IL1RAPL1: variants seen among roughly 807,000 people sequenced by gnomAD.
The protein encoded by IL1RAPL1 is interleukin-1 receptor accessory protein-like 1.
In IL1RAPL1, 3 loss-of-function variants were observed where a neutral mutation model predicts 48.4. The observed-to-expected ratio is 0.06, with a 90% confidence interval of 0.03 to 0.16. The LOEUF (loss-of-function observed/expected upper bound fraction) is 0.16. IL1RAPL1 is among the 10% of genes least tolerant of loss of function. IL1RAPL1 has a pLI of 1.00. For missense variants in IL1RAPL1, 349 were observed against 530.6 expected, an observed-to-expected ratio of 0.66 and a Z score of 3.36; for synonymous variants, 185 against 187.7, an observed-to-expected ratio of 0.99 and a Z score of 0.12.
intron 2 of IL1RAPL1, among the ~76,000 whole-genome samples, chrX:28,935,053 A>G (rs1448862578): frequency 8.9e-6 from 1 of 111,902 alleles, no homozygotes; most frequent in Non-Finnish European, 1.9e-5. Context: ...TTATAGCCAT[A>G]ACTGTTTTCA....
At chrX:29,637,493 A>AT (rs1424623052) in intron 5 of IL1RAPL1, among the ~76,000 whole-genome samples, 11 of 111,368 alleles carry the variant, frequency 9.9e-5, no homozygotes, top group Non-Finnish European at 2.1e-4. Context: ...AATATGACAG[A>AT]TTTTAAAGTT....
chrX:29,049,850 C>T (rs1041454166), intron 2 of IL1RAPL1, among the ~76,000 whole-genome samples: 1 of 112,202 alleles, frequency 8.9e-6, no homozygotes. Context: ...GCAATGTTAA[C>T]GTATTATACA....
chrX:29,173,580 G>A (rs185837493), intron 2 of IL1RAPL1, among the ~76,000 whole-genome samples: 54 of 111,118 alleles, frequency 4.9e-4, no homozygotes, highest in African/African-American at 1.7e-3. Context: ...CTCTATTATT[G>A]TAAGTTAGCT....
At chrX:29,518,382 T>C (rs183540475) in intron 5 of IL1RAPL1, among the ~76,000 whole-genome samples, 1 of 111,194 alleles carries the variant, frequency 9.0e-6, no homozygotes, top group East Asian at 2.8e-4. Flanking sequence ...TTCTGAGTGA[T>C]GCCAATGTTG....
intron 3 of IL1RAPL1, among the ~76,000 whole-genome samples, chrX:29,300,056 A>G (rs988018391): frequency 3.6e-5 from 4 of 111,844 alleles, no homozygotes; most frequent in African/African-American, 1.3e-4. Flanking sequence ...AAGTGGAAGC[A>G]GCCTGAGTTC....
chrX:29,053,919 G>A (rs1388012661), intron 2 of IL1RAPL1, among the ~76,000 whole-genome samples: 1 of 111,727 alleles, frequency 9.0e-6, no homozygotes, highest in East Asian at 2.8e-4. Flanking sequence ...TTATCTTTCT[G>A]TGCCTGGCTT....
intron 2 of IL1RAPL1, among the ~76,000 whole-genome samples, chrX:29,059,257 A>T (rs1489329194): frequency 8.9e-6 from 1 of 111,934 alleles, no homozygotes; most frequent in East Asian, 2.8e-4. Context: ...AAGCCAGAAC[A>T]ACTATTATAC....
At chrX:29,116,202 A>T (rs1453774076) in intron 2 of IL1RAPL1, among the ~76,000 whole-genome samples, 1 of 111,373 alleles carries the variant, frequency 9.0e-6, no homozygotes, top group East Asian at 2.8e-4. Flanking sequence ...TTGGGTAAGA[A>T]TTGATACTTT....
At chrX:29,522,718 C>T (rs772302497) in intron 5 of IL1RAPL1, among the ~76,000 whole-genome samples, 1 of 112,323 alleles carries the variant, frequency 8.9e-6, no homozygotes, top group Middle Eastern at 4.6e-3. Flanking sequence ...ACCAATCATA[C>T]TTAAAGGGAT....
chrX:29,243,616 C>T (rs1931459702), intron 2 of IL1RAPL1, among the ~76,000 whole-genome samples: 1 of 112,161 alleles, frequency 8.9e-6, no homozygotes. Flanking sequence ...GGAAACGAAG[C>T]TACACAACTT....
chrX:29,855,493 T>C (rs772998789), intron 6 of IL1RAPL1, among the ~76,000 whole-genome samples: 5 of 111,722 alleles, frequency 4.5e-5, no homozygotes, highest in Non-Finnish European at 9.4e-5. Flanking sequence ...TATAATTATC[T>C]CAAGGCTCTA....
At chrX:28,644,469 T>A (rs1480049854) in intron 1 of IL1RAPL1, among the ~76,000 whole-genome samples, 2 of 111,416 alleles carry the variant, frequency 1.8e-5, no homozygotes, top group Non-Finnish European at 3.8e-5. Flanking sequence ...GAGTGGATAC[T>A]ACATAAGGGC....
chrX:29,179,251 T>C (rs1006912507), intron 2 of IL1RAPL1, among the ~76,000 whole-genome samples: 29 of 111,593 alleles, frequency 2.6e-4, no homozygotes, highest in African/African-American at 9.1e-4. Context: ...TTCCATTTGT[T>C]TGTGTCCCCT....
At chrX:29,464,539 G>T (rs1013467924) in intron 5 of IL1RAPL1, among the ~76,000 whole-genome samples, 12 of 112,047 alleles carry the variant, frequency 1.1e-4, no homozygotes, top group Non-Finnish European at 1.9e-4. Flanking sequence ...CTCTGTTGTT[G>T]ACAAAAGTGA....
At chrX:29,780,300 T>G (rs754178316) in intron 6 of IL1RAPL1, among the ~76,000 whole-genome samples, 19 of 112,461 alleles carry the variant, frequency 1.7e-4, no homozygotes, top group Non-Finnish European at 3.4e-4. Context: ...CTAATCTGCA[T>G]AAATTAGACA....
intron 6 of IL1RAPL1, among the ~76,000 whole-genome samples, chrX:29,743,660 T>A (rs1216946004): frequency 1.8e-5 from 2 of 111,079 alleles, no homozygotes; most frequent in Non-Finnish European, 3.8e-5. Context: ...AACTTTTGTA[T>A]TTTTAGTACA....
At chrX:29,454,906 G>C (rs1256150710) in intron 5 of IL1RAPL1, among the ~76,000 whole-genome samples, 1 of 109,936 alleles carries the variant, frequency 9.1e-6, no homozygotes, top group Non-Finnish European at 1.9e-5. Flanking sequence ...TCTTCAGTGT[G>C]GAGTAGAAAG....
intron 5 of IL1RAPL1, among the ~76,000 whole-genome samples, chrX:29,457,848 A>G (rs980102297): frequency 8.9e-6 from 1 of 112,352 alleles, no homozygotes; most frequent in South Asian, 3.7e-4. Flanking sequence ...CCGCAGCCTC[A>G]CCAGCATCTG....
intron 2 of IL1RAPL1, among the ~76,000 whole-genome samples, chrX:29,109,005 C>A (rs1481461219): frequency 2.7e-5 from 3 of 109,941 alleles, no homozygotes; most frequent in Non-Finnish European, 5.7e-5. Flanking sequence ...AAATGCGTTT[C>A]CCAATCAGCA....
Sources: allele counts gnomAD v4.1 joint callset (sites outside exome capture counted in the v4.1 genomes callset), GRCh38; gene constraint gnomAD v4.1.1; transcripts MANE v1.5; gene names NCBI Gene and HGNC (gene_info 2026-07-23, HGNC 2026-07-21).